The following VEGFD variants were observed in gnomAD, a reference collection of about 807,000 sequenced individuals.
VEGFD encodes the protein vascular endothelial growth factor D, also known as c-fos induced growth factor (vascular endothelial growth factor D).
Under a neutral mutation model 28.0 loss-of-function variants are expected in VEGFD, and 26 were observed. That is an observed-to-expected ratio of 0.93 (90% CI 0.68 to 1.29). The LOEUF is 1.29. Ranked by LOEUF, VEGFD falls within the 50% of genes most tolerant of loss-of-function variation. The pLI, the probability that VEGFD is intolerant of heterozygous loss-of-function variation, is 0.00. For missense variants in VEGFD, 294 were observed against 273.4 expected, an observed-to-expected ratio of 1.08 and a Z score of -0.53; for synonymous variants, 93 against 95.5, an observed-to-expected ratio of 0.97 and a Z score of 0.15.
At chrX:15,381,993 T>G (rs1923586181) in intron 1 of VEGFD, among the ~76,000 whole-genome samples, 1 of 112,572 alleles carries the variant, frequency 8.9e-6, no homozygotes, top group Admixed American at 9.4e-5. Flanking sequence ...TTCAACAAAT[T>G]TATATATTAA....
chrX:15,378,480 C>T (rs1416306007), intron 1 of VEGFD, among the ~76,000 whole-genome samples: 1 of 111,741 alleles, frequency 8.9e-6, no homozygotes, highest in East Asian at 2.8e-4. Context: ...TCAACAAATA[C>T]TGTTTTTAGT....
intron 4 of VEGFD, among the ~76,000 whole-genome samples, chrX:15,354,313 A>G (rs190972096): frequency 2.7e-5 from 3 of 111,522 alleles, no homozygotes; most frequent in African/African-American, 9.8e-5. Flanking sequence ...AGCATTGGCC[A>G]GAACAGCAGG....
intron 4 of VEGFD, among the ~76,000 whole-genome samples, chrX:15,353,468 G>A (rs1050108031): frequency 8.9e-6 from 1 of 112,524 alleles, no homozygotes; most frequent in Non-Finnish European, 1.9e-5. Flanking sequence ...GGCCAGGTGC[G>A]GTGGCTCACG....
At chrX:15,358,565 A>C (rs1922925502) in intron 2 of VEGFD, among the ~76,000 whole-genome samples, 1 of 112,328 alleles carries the variant, frequency 8.9e-6, no homozygotes, top group South Asian at 3.7e-4. Flanking sequence ...TATAGGATAC[A>C]GCTGGATAGC....
At chrX:15,366,918 A>G (rs1039885400) in intron 1 of VEGFD, among the ~76,000 whole-genome samples, 26 of 112,352 alleles carry the variant, frequency 2.3e-4, no homozygotes, top group African/African-American at 8.4e-4. Flanking sequence ...CATTCAATCA[A>G]TTTTATATTC....
At position 15,384,060 on chromosome X, in the gene VEGFD, A is replaced by C. The variant is rs1468019220; in HGVS notation, c.-114T>G. ...AGTTTGAAACCTCAAAACTTCACAC[A>C]GAAAACCAAATAATCAGTTCTGATC... is the stretch of plus-strand genomic sequence containing the variant. On this transcript the variant is annotated 5_prime_UTR_variant, in exon 1 of 7. Transcript: ENST00000297904. The C allele has an allele frequency of 1.9e-6, 1 of 517,175 alleles. No individual in the cohort carries two copies. The highest frequency in any genetic ancestry group is 3.4e-6 in the Non-Finnish European group (1 of 296,132). The allele number at this position is 517,175 out of a possible 1,213,427, so 42.6% of individuals were successfully genotyped here. A position where few individuals can be genotyped will look rare whatever the true frequency, so the allele number is the denominator to read the frequency against.
intron 1 of VEGFD, among the ~76,000 whole-genome samples, chrX:15,368,083 A>AAAGGAAAG (rs1569186730): frequency 9.1e-5 from 9 of 99,384 alleles, no homozygotes; most frequent in Admixed American, 2.1e-4. Flanking sequence ...AGAAAGAAAG[A>AAAGGAAAG]AAAGAAAGAA....
At chrX:15,349,642 G>A (rs1189798958) in intron 5 of VEGFD, among the ~76,000 whole-genome samples, 2 of 111,873 alleles carry the variant, frequency 1.8e-5, no homozygotes, top group African/African-American at 6.5e-5. Flanking sequence ...ATTCTTTTGT[G>A]TGTGTGTGTG....
At chrX:15,356,531 C>T (rs1922871557) in intron 3 of VEGFD, among the ~76,000 whole-genome samples, 1 of 112,139 alleles carries the variant, frequency 8.9e-6, no homozygotes, top group Admixed American at 9.5e-5. Context: ...TAAGTGGAAG[C>T]AATCCATTAA....
chrX:15,353,871 ATCT>A (rs1328294738), intron 4 of VEGFD, among the ~76,000 whole-genome samples: 2 of 112,367 alleles, frequency 1.8e-5, no homozygotes, highest in Non-Finnish European at 3.8e-5. Flanking sequence ...GGAAATTGTA[ATCT>A]TCTTAAGAAG....
intron 1 of VEGFD, among the ~76,000 whole-genome samples, chrX:15,383,301 G>T (rs929847555): frequency 1.8e-5 from 2 of 112,065 alleles, no homozygotes; most frequent in African/African-American, 6.5e-5. Context: ...CAGAACCAAA[G>T]ATTTGATTAG....
Position 15,384,191 on chromosome X carries a change from T to A in VEGFD, c.-245A>T. On this transcript the variant is annotated 5_prime_UTR_variant, in exon 1 of 7. The change abolishes the stop of an existing upstream ORF in the 5' untranslated region. Coordinates refer to ENST00000297904, the MANE Select transcript of VEGFD (RefSeq NM_004469.5). ...AAATCAAAATGTTCTCCAAAAATAA[T>A]CAGAAGGTGGACATGTCTTCTACCT... is the stretch of plus-strand genomic sequence containing the variant. 1 of 276,568 alleles carries A rather than the reference T, an allele frequency of 3.6e-6. No homozygotes were observed. The highest frequency in any genetic ancestry group is 6.3e-6 in the Non-Finnish European group (1 of 159,695). 22.8% of individuals were successfully genotyped at this position (276,568 alleles called of 1,213,427 possible). A position where few individuals can be genotyped will look rare whatever the true frequency, so the allele number is the denominator to read the frequency against.
chrX:15,367,323 G>C (rs1007063249), intron 1 of VEGFD, among the ~76,000 whole-genome samples: 2 of 112,373 alleles, frequency 1.8e-5, no homozygotes, highest in African/African-American at 6.5e-5. Context: ...GGAGTGGGGA[G>C]CATGAGGATC....
chrX:15,373,520 T>C (rs1444342392), intron 1 of VEGFD, among the ~76,000 whole-genome samples: 1 of 112,075 alleles, frequency 8.9e-6, no homozygotes, highest in African/African-American at 3.3e-5. Flanking sequence ...GGAAGCTTGG[T>C]GATAAAACGG....
At chrX:15,351,662 T>C (rs1922734608) in intron 5 of VEGFD, among the ~76,000 whole-genome samples, 1 of 112,279 alleles carries the variant, frequency 8.9e-6, no homozygotes, top group Admixed American at 9.4e-5. Context: ...CTATGGGCCA[T>C]ATGTGACTAT....
chrX:15,359,343 C>T (rs1922946878), intron 2 of VEGFD, among the ~76,000 whole-genome samples: 1 of 103,290 alleles, frequency 9.7e-6, no homozygotes, highest in Non-Finnish European at 2.0e-5. Flanking sequence ...TCTCTCTCTC[C>T]TCCTTCTCCA....
At chrX:15,367,542 C>T (rs1197706688) in intron 1 of VEGFD, among the ~76,000 whole-genome samples, 1 of 112,158 alleles carries the variant, frequency 8.9e-6, no homozygotes, top group East Asian at 2.8e-4. Context: ...CAAAATAAAA[C>T]TTTGTGACAA....
chrX:15,349,558 A>G lies in VEGFD; in HGVS notation c.743-2199T>C, dbSNP rs182487349. Among the ~76,000 whole-genome samples the G allele has an allele frequency of 3.7e-3, 412 of 112,212 alleles. 5 individuals are homozygous for G. Among genetic ancestry groups the G allele is most frequent in the African/African-American group, 0.012 (378 of 30,889 alleles). ...AGAATTTTTTCAAAATAAATTCTTG[A>G]AATTGTAGCTCTCTTCAAGAAGGAA... On this transcript the variant is annotated intron_variant, in intron 5 of 6. Transcript: ENST00000297904.
chrX:15,378,015 T>C (rs907790160), intron 1 of VEGFD, among the ~76,000 whole-genome samples: 3 of 112,191 alleles, frequency 2.7e-5, no homozygotes, highest in Admixed American at 9.4e-5. Context: ...TTTACCATGA[T>C]TTTACAAACA....
Sources: allele counts gnomAD v4.1 joint callset (sites outside exome capture counted in the v4.1 genomes callset), GRCh38; gene constraint gnomAD v4.1.1; transcripts MANE v1.5; gene names NCBI Gene and HGNC (gene_info 2026-07-23, HGNC 2026-07-21).